Variants in IMMP2L observed in about 807,000 individuals in gnomAD.
IMMP2L encodes the protein mitochondrial inner membrane protease subunit 2.
In IMMP2L, 18 loss-of-function variants were observed where a neutral mutation model predicts 19.3. The observed-to-expected ratio is 0.93, with a 90% confidence interval of 0.64 to 1.38. The LOEUF (loss-of-function observed/expected upper bound fraction) is 1.38, where lower values mean the gene tolerates loss of function less well. Ranked by LOEUF, IMMP2L falls within the 40% of genes most tolerant of loss-of-function variation. The probability of loss-of-function intolerance (pLI) is 0.00; values close to 1 mark genes in which losing one functional copy is unlikely to be tolerated. For synonymous variants in IMMP2L, 76 were observed against 73.0 expected (o/e 1.04, Z -0.21); for missense variants, 233 against 218.2 (o/e 1.07, Z -0.43).
At chr7:111,048,776 G>A (rs1792702392) in intron 3 of IMMP2L, among the ~76,000 whole-genome samples, 1 of 152,124 alleles carries the variant, frequency 6.6e-6, no homozygotes, top group African/African-American at 2.4e-5. Flanking sequence ...CAGGATATTA[G>A]GAAGAAGTGA....
intron 3 of IMMP2L, among the ~76,000 whole-genome samples, chr7:111,367,463 T>A (rs1196380452): frequency 2.0e-5 from 3 of 147,126 alleles, no homozygotes; most frequent in Non-Finnish European, 4.5e-5. Context: ...AGTACTTGTT[T>A]CTCTCAGCAA....
At chr7:111,401,067 GACAGA>G (rs1833380989) in intron 3 of IMMP2L, among the ~76,000 whole-genome samples, 1 of 152,026 alleles carries the variant, frequency 6.6e-6, no homozygotes, top group Non-Finnish European at 1.5e-5. Flanking sequence ...GTTTACTTTG[GACAGA>G]ACAGATTTGC....
At chr7:110,967,418 G>A (rs1255965487) in intron 3 of IMMP2L, among the ~76,000 whole-genome samples, 10 of 151,928 alleles carry the variant, frequency 6.6e-5, no homozygotes, top group Non-Finnish European at 1.5e-4. Flanking sequence ...TGATCCTGGT[G>A]TCACATAAAT....
intron 5 of IMMP2L, among the ~76,000 whole-genome samples, chr7:110,690,290 T>G (rs1344066547): frequency 6.6e-6 from 1 of 152,206 alleles, no homozygotes; most frequent in East Asian, 1.9e-4. Flanking sequence ...TCCCTCAGGT[T>G]CATCTTTGTA....
intron 3 of IMMP2L, among the ~76,000 whole-genome samples, chr7:111,201,811 T>C (rs1045733375): frequency 1.3e-5 from 2 of 151,998 alleles, no homozygotes; most frequent in Admixed American, 6.6e-5. Flanking sequence ...AGTGCCCTTA[T>C]AAAAGAGGCT....
chr7:110,681,814 G>A (rs1482223555), intron 5 of IMMP2L, among the ~76,000 whole-genome samples: 1 of 152,060 alleles, frequency 6.6e-6, no homozygotes, highest in East Asian at 1.9e-4. Flanking sequence ...GGAATTGAGA[G>A]TAATCTAGTG....
intron 3 of IMMP2L, among the ~76,000 whole-genome samples, chr7:111,251,282 T>G (rs1255694307): frequency 6.6e-6 from 1 of 152,198 alleles, no homozygotes; most frequent in Non-Finnish European, 1.5e-5. Flanking sequence ...AAAACACTTT[T>G]ACACTGTTTA....
chr7:111,287,056 A>G (rs1820567196), intron 3 of IMMP2L, among the ~76,000 whole-genome samples: 1 of 152,190 alleles, frequency 6.6e-6, no homozygotes, highest in African/African-American at 2.4e-5. Context: ...GAACCATAAA[A>G]TATCAGAGGA....
chr7:111,446,129 G>T (rs1246193520), intron 3 of IMMP2L, among the ~76,000 whole-genome samples: 2 of 149,004 alleles, frequency 1.3e-5, no homozygotes, highest in East Asian at 3.9e-4. Flanking sequence ...AAGGCTGGGG[G>T]AGGGGCGCCC....
intron 3 of IMMP2L, among the ~76,000 whole-genome samples, chr7:111,423,648 C>T (rs1936432911): frequency 6.6e-6 from 1 of 150,542 alleles, no homozygotes; most frequent in African/African-American, 2.5e-5. Context: ...CTTTGGGACA[C>T]ATTTAAAGCA....
intron 2 of IMMP2L, among the ~76,000 whole-genome samples, chr7:111,513,719 A>T (rs980993559): frequency 1.3e-5 from 2 of 152,096 alleles, no homozygotes; most frequent in Non-Finnish European, 2.9e-5. Context: ...TCATAAATGG[A>T]TGAAGGGATA....
intron 3 of IMMP2L, among the ~76,000 whole-genome samples, chr7:111,221,003 G>A (rs896477071): frequency 1.3e-5 from 2 of 151,966 alleles, no homozygotes; most frequent in Admixed American, 6.6e-5. Flanking sequence ...CATTTTAAAC[G>A]CTAATCTCTT....
chr7:110,975,012 A>G (rs1194808749), intron 3 of IMMP2L, among the ~76,000 whole-genome samples: 2 of 152,132 alleles, frequency 1.3e-5, no homozygotes, highest in African/African-American at 4.8e-5. Flanking sequence ...ATAAATATGT[A>G]GTTAATTCAA....
In IMMP2L at chr7:111,207,534, G is replaced by GTTTTTT. The variant is rs376864629; in HGVS notation, c.240-243975_240-243970dup. On this transcript the variant is annotated intron_variant, in intron 3 of 5. Coordinates refer to ENST00000405709, the MANE Select transcript of IMMP2L (RefSeq NM_032549.4). ...TTCTTTCTTTTTCGTTTTATTTTTGGTTTTTTTTTTTTTTTTTTTTTTTGA... is the reference window on the plus strand; with the variant it reads ...TTCTTTCTTTTTCGTTTTATTTTTGGTTTTTTTTTTTTTTTTTTTTTTTTTTTTTGA... Among the ~76,000 whole-genome samples the GTTTTTT allele has an allele frequency of 3.1e-3, 280 of 90,094 alleles. 4 individuals carry two copies. Among genetic ancestry groups the GTTTTTT allele is most frequent in the South Asian group, 5.1e-3 (10 of 1,956 alleles). The allele number at this position is 90,094 out of a possible 152,430, so 59.1% of individuals were successfully genotyped here.
chr7:111,046,464 T>G (rs1792404484), intron 3 of IMMP2L, among the ~76,000 whole-genome samples: 1 of 151,866 alleles, frequency 6.6e-6, no homozygotes, highest in Non-Finnish European at 1.5e-5. Context: ...TGAATAAAGA[T>G]ATATAGAAAA....
At chr7:111,505,877 G>C (rs963342538) in intron 2 of IMMP2L, among the ~76,000 whole-genome samples, 1 of 152,064 alleles carries the variant, frequency 6.6e-6, no homozygotes, top group Non-Finnish European at 1.5e-5. Context: ...GCTAAATGAC[G>C]AGTTAATGGG....
chr7:110,677,724 G>A (rs1167756336), intron 5 of IMMP2L, among the ~76,000 whole-genome samples: 5 of 151,190 alleles, frequency 3.3e-5, no homozygotes, highest in African/African-American at 1.2e-4. Flanking sequence ...AAGCTTTGGT[G>A]AGGCAAAAAG....
At position 110,975,121 on chromosome 7, in the gene IMMP2L, T is replaced by C. The variant is rs112509465; in HGVS notation, c.240-11556A>G. 8.8e-3 allele frequency among the ~76,000 whole-genome samples: 1,345 copies of C among 152,242 alleles called. 22 individuals are homozygous for C. The highest frequency in any genetic ancestry group is 0.048 in the South Asian group (231 of 4,826). On this transcript the variant is annotated intron_variant, in intron 3 of 5. Transcript: ENST00000405709. ...TGATCTAATCACATGATCATTATCC[T>C]ACTGTAGAATTCTTAGTTATAAGTT...
intron 5 of IMMP2L, among the ~76,000 whole-genome samples, chr7:110,743,933 G>T (rs1258198311): frequency 6.6e-6 from 1 of 152,162 alleles, no homozygotes; most frequent in African/African-American, 2.4e-5. Flanking sequence ...CCTGCAAAGG[G>T]GGCTGAAGCC....
Sources: gnomAD v4.1 joint callset for allele counts (sites outside exome capture counted in the v4.1 genomes callset) on GRCh38, gnomAD v4.1.1 for gene constraint, MANE v1.5 for transcripts, NCBI Gene and HGNC (gene_info 2026-07-23, HGNC 2026-07-21) for gene names.